ZW10: variants seen among roughly 807,000 people sequenced by gnomAD.
The protein encoded by ZW10 is zw10 kinetochore protein.
A neutral mutation model predicts 87.8 loss-of-function variants in ZW10; 53 were observed. The observed-to-expected ratio is 0.60, with a 90% CI of 0.48 to 0.76. ZW10 has a LOEUF of 0.76. ZW10 is among the 30% of genes least tolerant of loss of function. ZW10 has a pLI of 0.00. For missense variants in ZW10, 837 were observed against 923.0 expected (o/e 0.91, Z 1.21); for synonymous variants, 312 against 329.2 (o/e 0.95, Z 0.57).
At chr11:113,768,798 C>G (rs1275292788) in intron 2 of ZW10, 35 bp downstream of exon 2, 2 of 1,608,976 alleles carry the variant, frequency 1.2e-6, no homozygotes, top group Non-Finnish European at 1.7e-6. Context: ...AACCACCTCC[C>G]TACAAACCTA....
At chr11:113,762,964 G>A (rs1953877200) in intron 2 of ZW10, among the ~76,000 whole-genome samples, 1 of 152,170 alleles carries the variant, frequency 6.6e-6, no homozygotes, top group African/African-American at 2.4e-5. Flanking sequence ...GTATACATGT[G>A]CCATGGTGGT....
chr11:113,764,828 C>T (rs1333940343), intron 2 of ZW10, among the ~76,000 whole-genome samples: 1 of 152,148 alleles, frequency 6.6e-6, no homozygotes, highest in Non-Finnish European at 1.5e-5. Flanking sequence ...TTCCATGAAA[C>T]TATTCTCTAC....
At chr11:113,750,736 A>G (rs538056125) in intron 7 of ZW10, among the ~76,000 whole-genome samples, 1 of 152,360 alleles carries the variant, frequency 6.6e-6, no homozygotes, top group Admixed American at 6.5e-5. Context: ...TAAATGTCCA[A>G]TAAAAAGTGT....
chr11:113,750,000 G>C (rs1044640456), intron 7 of ZW10, among the ~76,000 whole-genome samples: 1 of 152,162 alleles, frequency 6.6e-6, no homozygotes, highest in South Asian at 2.1e-4. Flanking sequence ...TTTATGCATA[G>C]AGCGCAAGTT....
chr11:113,758,521 T>G, intron 6 of ZW10, 33 bp downstream of exon 6: 2 of 1,606,040 alleles, frequency 1.2e-6, no homozygotes, highest in South Asian at 1.1e-5. Context: ...CTCAGGAGAT[T>G]TTGTGTAAAT....
At chr11:113,736,469 AG>A (rs1218106380) in intron 15 of ZW10, 150 bp downstream of exon 15, 13 of 706,426 alleles carry the variant, frequency 1.8e-5, no homozygotes, top group Non-Finnish European at 2.9e-5. Context: ...GCATTATGAT[AG>A]ATCATGAAAA....
chr11:113,750,414 C>T (rs907122041), intron 7 of ZW10, among the ~76,000 whole-genome samples: 2 of 152,038 alleles, frequency 1.3e-5, no homozygotes, highest in African/African-American at 4.8e-5. Flanking sequence ...AGCGATTCTC[C>T]TTCCTCGGCC....
intron 4 of ZW10, 58 bp downstream of exon 4, chr11:113,760,455 A>G: frequency 6.2e-7 from 1 of 1,604,730 alleles, no homozygotes; most frequent in Non-Finnish European, 8.5e-7. Context: ...AAAATACAAA[A>G]TTTACTGAAA....
chr11:113,746,158 C>T (rs2465651), intron 9 of ZW10, among the ~76,000 whole-genome samples: 41,142 of 152,078 alleles, frequency 0.27, 6,444 homozygotes, highest in Non-Finnish European at 0.35. Flanking sequence ...ACTGCTGAGA[C>T]GTCCTGACCT....
rs542549044 is a variant in ZW10, at chr11:113,752,354, G to T, written c.926-3934C>A. On this transcript the variant is annotated intron_variant, in intron 7 of 15. Transcript: ENST00000200135. Reference sequence around the variant, plus strand: ...ATTGTGCCCCTGCCCAAATTTATACGTTGAAGCCCTAGCCCCCAATGTGAC... The same window carrying T: ...ATTGTGCCCCTGCCCAAATTTATACTTTGAAGCCCTAGCCCCCAATGTGAC... Among the ~76,000 whole-genome samples, 5 of 152,038 alleles carry T rather than the reference G, an allele frequency of 3.3e-5. No homozygotes were observed. The South Asian group carries it at 1.0e-3, about 32-fold the overall frequency.
intron 8 of ZW10, among the ~76,000 whole-genome samples, 175 bp from the exon 9 acceptor site, chr11:113,747,888 A>G (rs1302171534): frequency 1.3e-5 from 2 of 152,234 alleles, no homozygotes; most frequent in Admixed American, 1.3e-4. Context: ...ATTAGAAAGA[A>G]TATCTTCAGT....
chr11:113,765,003 T>C (rs1393654566), intron 2 of ZW10, among the ~76,000 whole-genome samples: 4 of 152,210 alleles, frequency 2.6e-5, no homozygotes, highest in East Asian at 3.9e-4. Flanking sequence ...CAGGGACATC[T>C]GGCAATGTCT....
At chr11:113,754,438 T>C (rs1190055033) in intron 7 of ZW10, among the ~76,000 whole-genome samples, 1 of 151,864 alleles carries the variant, frequency 6.6e-6, no homozygotes, top group Non-Finnish European at 1.5e-5. Context: ...TGAGCCGAGA[T>C]CATGCCACTA....
intron 1 of ZW10, among the ~76,000 whole-genome samples, chr11:113,770,948 A>G (rs1488433264): frequency 6.7e-6 from 1 of 149,736 alleles, no homozygotes; most frequent in Non-Finnish European, 1.5e-5. Context: ...GTACTTCCTC[A>G]AGTCGGGGAC....
intron 1 of ZW10, chr11:113,770,264 T>C (rs1953950220): frequency 6.6e-6 from 1 of 151,846 alleles, no homozygotes; most frequent in Admixed American, 6.6e-5. Context: ...AATTTTTGTA[T>C]TTTTAGTAGA....
intron 2 of ZW10, among the ~76,000 whole-genome samples, chr11:113,764,169 G>A (rs1364286578): frequency 1.3e-5 from 2 of 152,140 alleles, no homozygotes; most frequent in African/African-American, 4.8e-5. Flanking sequence ...TCAGATGGTT[G>A]TAGACGTGTG....
chr11:113,734,623 G>A (rs1565277933), intron 15 of ZW10, among the ~76,000 whole-genome samples: 1 of 152,008 alleles, frequency 6.6e-6, no homozygotes, highest in Admixed American at 6.6e-5. Context: ...TAGCCAACAT[G>A]GCAAAACCCC....
chr11:113,766,229 A>T (rs1356796200), intron 2 of ZW10, among the ~76,000 whole-genome samples: 1 of 151,994 alleles, frequency 6.6e-6, no homozygotes, highest in Non-Finnish European at 1.5e-5. Context: ...GCTGGGCATG[A>T]TGGCTTATAC....
At chr11:113,735,014 C>T (rs991449966) in intron 15 of ZW10, among the ~76,000 whole-genome samples, 38 of 152,144 alleles carry the variant, frequency 2.5e-4, no homozygotes, top group African/African-American at 8.2e-4. Flanking sequence ...TCATGGAGAG[C>T]ATTTGGAGAA....
Sources: gnomAD v4.1 joint callset for allele counts (sites outside exome capture counted in the v4.1 genomes callset) on GRCh38, gnomAD v4.1.1 for gene constraint, MANE v1.5 for transcripts, NCBI Gene and HGNC (gene_info 2026-07-23, HGNC 2026-07-21) for gene names.